CCNT2: variants seen among roughly 807,000 people sequenced by gnomAD.
The protein encoded by CCNT2 is cyclin-T2.
A neutral mutation model predicts 70.0 loss-of-function variants in CCNT2; 18 were observed. The ratio of observed to expected loss-of-function variants is 0.26; its 90% CI spans 0.18 to 0.38. CCNT2 has a LOEUF of 0.38. Ranked by LOEUF, CCNT2 falls within the 10% of genes least tolerant of loss-of-function variation. The probability of loss-of-function intolerance (pLI) is 1.00; values close to 1 mark genes in which losing one functional copy is unlikely to be tolerated. For synonymous variants in CCNT2, 334 were observed against 313.3 expected, an observed-to-expected ratio of 1.07 and a Z score of -0.70; for missense variants, 734 against 890.2, an observed-to-expected ratio of 0.82 and a Z score of 2.23.
chr2:134,938,912 C>T (rs1403718224), intron 3 of CCNT2, 90 bp from the exon 4 acceptor site: 2 of 773,356 alleles, frequency 2.6e-6, no homozygotes, highest in African/African-American at 3.5e-5. Flanking sequence ...CTTTTGTAAT[C>T]AACCTGTAAT....
At chr2:134,939,511 G>T (rs1681410975) in intron 4 of CCNT2, among the ~76,000 whole-genome samples, 1 of 151,982 alleles carries the variant, frequency 6.6e-6, no homozygotes, top group African/African-American at 2.4e-5. Context: ...TGTCGCCCAG[G>T]CTGGAGTGCA....
At chr2:134,919,785 A>G (rs533032396) in intron 1 of CCNT2, 25 bp from the exon 2 acceptor site, 28 of 1,568,014 alleles carry the variant, frequency 1.8e-5, no homozygotes, top group South Asian at 1.4e-4. Flanking sequence ...CTTTTGTCAG[A>G]TATTTCCTAA....
intron 5 of CCNT2, chr2:134,943,634 A>C (rs1472900680): frequency 1.3e-5 from 13 of 983,882 alleles, no homozygotes; most frequent in Non-Finnish European, 1.6e-5. Flanking sequence ...CTTGTAAAGT[A>C]TCTGGTAGTA....
intron 1 of CCNT2, among the ~76,000 whole-genome samples, 192 bp from the exon 2 acceptor site, chr2:134,919,618 C>G (rs747921289): frequency 6.6e-6 from 1 of 152,140 alleles, no homozygotes; most frequent in Non-Finnish European, 1.5e-5. Flanking sequence ...AGTTCTTATT[C>G]CCATTTATTT....
chr2:134,919,210 G>A (rs1679651367), intron 1 of CCNT2, among the ~76,000 whole-genome samples, 198 bp downstream of exon 1: 1 of 152,204 alleles, frequency 6.6e-6, no homozygotes, highest in Non-Finnish European at 1.5e-5. Context: ...CCAGGAATGC[G>A]GGCCAGGAGC....
Position 134,927,860 on chromosome 2 carries a change from C to A in CCNT2, c.240+7969C>A, listed in dbSNP as rs544872208. Among the ~76,000 whole-genome samples, 4 of 152,224 alleles carry A rather than the reference C, an allele frequency of 2.6e-5. No individual in the cohort carries two copies. The South Asian group carries it at 6.2e-4, about 24-fold the overall frequency. On this transcript the variant is annotated intron_variant, in intron 2 of 8. Transcript: ENST00000264157. ...TCTGGTGTTAACCTAATATTTTACCCCTAAATAAGCTAAGGCTCTGATTGT... is the reference window on the plus strand; with the variant it reads ...TCTGGTGTTAACCTAATATTTTACCACTAAATAAGCTAAGGCTCTGATTGT...
At chr2:134,944,517 G>A in intron 5 of CCNT2, 1 of 965,006 alleles carries the variant, frequency 1.0e-6, no homozygotes, top group African/African-American at 1.8e-5. Context: ...CATGAAGTCA[G>A]TTTACTTGAA....
At chr2:134,953,188 A>G in intron 8 of CCNT2, 42 bp from the exon 9 acceptor site, 1 of 1,375,366 alleles carries the variant, frequency 7.3e-7, no homozygotes, top group South Asian at 1.3e-5. Flanking sequence ...GCATTAAATT[A>G]TTTTGCTATA....
At chr2:134,931,164 G>T (rs960088039) in intron 2 of CCNT2, among the ~76,000 whole-genome samples, 1 of 150,030 alleles carries the variant, frequency 6.7e-6, no homozygotes, top group African/African-American at 2.5e-5. Flanking sequence ...GGGTTTCACC[G>T]TGTTAGCCAG....
intron 2 of CCNT2, among the ~76,000 whole-genome samples, chr2:134,931,945 C>T (rs1056113082): frequency 2.0e-5 from 3 of 151,588 alleles, no homozygotes; most frequent in Admixed American, 2.0e-4. Flanking sequence ...GTAGATAGAG[C>T]CTTAACTATG....
intron 2 of CCNT2, among the ~76,000 whole-genome samples, chr2:134,932,844 T>C (rs1439057321): frequency 1.3e-5 from 2 of 152,360 alleles, no homozygotes. Context: ...ACTTTCCTTT[T>C]CTTATTCTAA....
chr2:134,924,923 A>G (rs920294607), intron 2 of CCNT2, among the ~76,000 whole-genome samples: 17 of 152,152 alleles, frequency 1.1e-4, no homozygotes, highest in African/African-American at 3.6e-4. Flanking sequence ...GAAGGACCCT[A>G]GAGTGTGTGA....
At chr2:134,946,052 G>T (rs1681937458) in intron 5 of CCNT2, 49 bp from the exon 6 acceptor site, 1 of 1,606,654 alleles carries the variant, frequency 6.2e-7, no homozygotes, top group Non-Finnish European at 8.5e-7. Flanking sequence ...TTTGATTGTA[G>T]CACGTTAAGG....
chr2:134,929,636 A>AGAGAGAGAGAGAGAGAGAGAGAGAGAG (rs1419165195), intron 2 of CCNT2, among the ~76,000 whole-genome samples: 32 of 129,800 alleles, frequency 2.5e-4, no homozygotes, highest in Admixed American at 5.8e-4. Flanking sequence ...AGAGAGAGAG[A>AGAGAGAGAGAGAGAGAGAGAGAGAGAG]ACTAATAAAT....
At position 134,954,155 on chromosome 2, in the gene CCNT2, G is replaced by A. The variant is rs779599967; in HGVS notation, c.1700G>A (p.Arg567His). ...AAGCACAAGGAGCATCCTTCAAGCC[G>A]CCACCACACCAGCAGCCACAAGCAT... ...KEKHKEHPSS[R>H]HHTSSHKHSH... The change falls in exon 9 of 9, where the codon CGC (arginine) becomes CAC (histidine). Residue 567 changes from arginine to histidine, a missense_variant. Arg to His is a conservative substitution (Grantham distance 29). Around this residue, in one of 3 missense-constraint regions of CCNT2, gnomAD observed 532 missense variants for 556.9 expected, o/e 0.96. Transcript: ENST00000264157. The A allele has an allele frequency of 4.9e-5, 79 of 1,613,996 alleles. 1 individual carries two copies. The South Asian group carries it at 6.1e-4, about 13-fold the overall frequency.
Position 134,955,729 on chromosome 2 carries a change from A to G in CCNT2, c.*1081A>G, listed in dbSNP as rs1446863248. On this transcript the variant is annotated 3_prime_UTR_variant, in exon 9 of 9. Transcript: ENST00000264157. ...CTGAAGCGTGTTTGTGTGTGATGCC[A>G]TATTTCTTTTTCAGGTAAATGTAGT... 6.6e-6 allele frequency: 1 copy of G among 152,654 alleles called. No homozygotes were observed. Among genetic ancestry groups the G allele is most frequent in the Non-Finnish European group, 1.5e-5 (1 of 68,038 alleles). The allele number at this position is 152,654 out of a possible 1,614,324, so 9.5% of individuals were successfully genotyped here.
intron 5 of CCNT2, chr2:134,945,776 T>G: frequency 7.5e-7 from 1 of 1,335,486 alleles, no homozygotes; most frequent in Non-Finnish European, 9.8e-7. Context: ...TTCTTTTTTT[T>G]TTAAATCCAG....
In CCNT2 at chr2:134,957,929, C is replaced by CGAA. The variant is rs1324223270; in HGVS notation, c.*3281_*3282insGAA. 1.3e-5 allele frequency: 2 copies of CGAA among 152,082 alleles called. No homozygotes were observed. The highest frequency in any genetic ancestry group is 2.9e-5 in the Non-Finnish European group (2 of 67,992). 9.4% of individuals were successfully genotyped at this position (152,082 alleles called of 1,614,324 possible). ...AGAATACCTAATTTTTTTGGCCTAT[C>CGAA]CTCTTTGAACTAGAAATGACTACTT... On this transcript the variant is annotated 3_prime_UTR_variant, in exon 9 of 9. Coordinates refer to ENST00000264157, the MANE Select transcript of CCNT2 (RefSeq NM_058241.3).
chr2:134,952,997 C>T lies in CCNT2; in HGVS notation c.775-233C>T. 4 of 488,484 alleles carry T rather than the reference C, an allele frequency of 8.2e-6. No individual in the cohort carries two copies. The Admixed American group carries it at 1.1e-4, about 14-fold the overall frequency. 30.3% of individuals were successfully genotyped at this position (488,484 alleles called of 1,614,324 possible). A position where few individuals can be genotyped will look rare whatever the true frequency, so the allele number is the denominator to read the frequency against. Reference sequence around the variant, plus strand: ...ACAAGTTAAATTACTTTCTGAAGTGCTGGGCTAGGATTTAACTTGTATCTG... The same window carrying T: ...ACAAGTTAAATTACTTTCTGAAGTGTTGGGCTAGGATTTAACTTGTATCTG... On this transcript the variant is annotated intron_variant, in intron 8 of 8. Coordinates refer to ENST00000264157, the MANE Select transcript of CCNT2 (RefSeq NM_058241.3).
Sources: gnomAD v4.1 joint callset for allele counts (sites outside exome capture counted in the v4.1 genomes callset) on GRCh38, gnomAD v4.1.1 for gene constraint, gnomAD v4.1.1 regional missense constraint, MANE v1.5 for transcripts, NCBI Gene and HGNC (gene_info 2026-07-23, HGNC 2026-07-21) for gene names.